The following DISC1 variants were observed in gnomAD, a reference collection of about 807,000 sequenced individuals.
DISC1 encodes disrupted in schizophrenia 1 protein.
Under a neutral mutation model 84.5 loss-of-function variants are expected in DISC1, and 57 were observed. The observed-to-expected ratio is 0.67, with a 90% CI of 0.55 to 0.84. The LOEUF (loss-of-function observed/expected upper bound fraction) is 0.84, where lower values mean the gene tolerates loss of function less well. DISC1 is among the 40% of genes least tolerant of loss of function. The pLI, the probability that DISC1 is intolerant of heterozygous loss-of-function variation, is 0.00. For synonymous variants in DISC1, 411 were observed against 415.2 expected (o/e 0.99, Z 0.12); for missense variants, 1,000 against 1,057.8 (o/e 0.95, Z 0.76).
chr1:231,681,092 G>C (rs2063644250), intron 1 of DISC1, among the ~76,000 whole-genome samples: 1 of 152,234 alleles, frequency 6.6e-6, no homozygotes, highest in Non-Finnish European at 1.5e-5. Context: ...GTAGCTAGCA[G>C]CACCCTTGAG....
intron 3 of DISC1, among the ~76,000 whole-genome samples, chr1:231,713,219 G>T (rs777985579): frequency 6.6e-6 from 1 of 152,132 alleles, no homozygotes; most frequent in African/African-American, 2.4e-5. Flanking sequence ...ATATTTAAGT[G>T]CCCAATGTTC....
At chr1:231,916,516 G>A (rs1369663169) in intron 9 of DISC1, among the ~76,000 whole-genome samples, 1 of 150,908 alleles carries the variant, frequency 6.6e-6, no homozygotes, top group East Asian at 1.9e-4. Context: ...TTAGCCGGGC[G>A]TAGTGGCGGG....
intron 3 of DISC1, among the ~76,000 whole-genome samples, chr1:231,744,673 T>G (rs181254549): frequency 6.6e-6 from 1 of 152,280 alleles, no homozygotes; most frequent in Non-Finnish European, 1.5e-5. Flanking sequence ...TAGCAAAAGT[T>G]CATTTTTCCA....
intron 1 of DISC1, among the ~76,000 whole-genome samples, chr1:231,673,896 A>T (rs891040686): frequency 7.9e-5 from 12 of 152,016 alleles, no homozygotes; most frequent in African/African-American, 2.2e-4. Flanking sequence ...GGAGGTATAG[A>T]CTCCTTACGA....
chr1:231,877,685 A>T (rs1363569712), intron 9 of DISC1, among the ~76,000 whole-genome samples: 1 of 152,210 alleles, frequency 6.6e-6, no homozygotes, highest in Admixed American at 6.5e-5. Context: ...ATGAGACTGT[A>T]TGGTACAGCT....
intron 3 of DISC1, chr1:231,723,614 T>C (rs2070194516): frequency 1.0e-6 from 1 of 985,484 alleles, no homozygotes; most frequent in Middle Eastern, 5.2e-4. Flanking sequence ...CTATTCTGTC[T>C]TATAACAGTC....
chr1:231,998,877 T>A (rs1176330756), intron 10 of DISC1, among the ~76,000 whole-genome samples: 3 of 152,132 alleles, frequency 2.0e-5, no homozygotes, highest in African/African-American at 2.4e-5. Context: ...AGCCTCAAAA[T>A]ATATATATCA....
Position 232,008,903 on chromosome 1 carries a change from C to G in DISC1, c.2161C>G (p.Gln721Glu), listed in dbSNP as rs756949009. ...AAGCCTGTCTGTAGAAGATGAGAGG[C>G]AGATGGATGACTTAGAGGGAGCTGC... ...RGSLSVEDER[Q>E]MDDLEGAAPP... The change falls in exon 11 of 13, where the codon CAG becomes GAG. Residue 721 changes from glutamine to glutamate, a missense_variant. Coordinates refer to ENST00000439617, the MANE Select transcript of DISC1 (RefSeq NM_018662.3). 6.2e-7 allele frequency: 1 copy of G among 1,613,784 alleles called. No individual in the cohort carries two copies. The highest frequency in any genetic ancestry group is 1.1e-5 in the South Asian group (1 of 91,066).
chr1:231,692,014 G>T lies in DISC1; in HGVS notation c.68-1812G>T, dbSNP rs536333980. 9.2e-5 allele frequency among the ~76,000 whole-genome samples: 14 copies of T among 152,264 alleles called. No homozygotes were observed. In the South Asian group the frequency reaches 2.9e-3, roughly 32 times the overall value. ...TTCTTCTGCCTTCCTGTCATTTTAC[G>T]CATTTTACGCTGATATACTTGTAGG... is the stretch of plus-strand genomic sequence containing the variant. On this transcript the variant is annotated intron_variant, in intron 1 of 12. Coordinates refer to ENST00000439617, the MANE Select transcript of DISC1 (RefSeq NM_018662.3).
intron 11 of DISC1, among the ~76,000 whole-genome samples, chr1:232,017,680 A>G (rs143423894): frequency 2.0e-5 from 3 of 152,252 alleles, no homozygotes; most frequent in African/African-American, 7.2e-5. Context: ...TGCTAGAGCT[A>G]CAGGTACTAA....
chr1:231,838,151 G>GA (rs1313219025), intron 9 of DISC1, among the ~76,000 whole-genome samples: 1 of 152,136 alleles, frequency 6.6e-6, no homozygotes, highest in East Asian at 1.9e-4. Flanking sequence ...TGAAGCATTT[G>GA]ACTGTTAATA....
chr1:231,763,117 C>G (rs1265139142), intron 4 of DISC1, among the ~76,000 whole-genome samples: 1 of 152,074 alleles, frequency 6.6e-6, no homozygotes, highest in African/African-American at 2.4e-5. Flanking sequence ...ATGGAAGTTC[C>G]TGGGCTTGCT....
intron 9 of DISC1, among the ~76,000 whole-genome samples, chr1:231,840,376 T>G (rs1011310557): frequency 6.6e-6 from 1 of 152,222 alleles, no homozygotes; most frequent in African/African-American, 2.4e-5. Flanking sequence ...GCTTTATTCA[T>G]AATTGCCTAA....
chr1:231,753,570 G>T lies in DISC1; in HGVS notation c.1268+3494G>T, dbSNP rs146592189. ...TATGAGGGGAGGGGCTGCCATGAAG[G>T]TCTCTGAAATGCCTCTGAGGCCTTT... On this transcript the variant is annotated intron_variant, in intron 4 of 12. Transcript: ENST00000439617. 3.2e-4 allele frequency among the ~76,000 whole-genome samples: 48 copies of T among 152,298 alleles called. No individual in the cohort carries two copies. The East Asian group carries it at 9.1e-3, about 29-fold the overall frequency.
chr1:231,993,854 A>G (rs1453034163), intron 10 of DISC1, among the ~76,000 whole-genome samples: 1 of 152,220 alleles, frequency 6.6e-6, no homozygotes, highest in Non-Finnish European at 1.5e-5. Flanking sequence ...TCATATAATT[A>G]TCAATTTAAT....
intron 1 of DISC1, among the ~76,000 whole-genome samples, chr1:231,635,802 AT>A (rs1055873599): frequency 6.6e-6 from 1 of 152,346 alleles, no homozygotes; most frequent in South Asian, 2.1e-4. Flanking sequence ...AATATAAAAA[AT>A]ATATATACTT....
intron 6 of DISC1, chr1:231,771,600 A>G: frequency 9.1e-6 from 9 of 985,334 alleles, no homozygotes; most frequent in Non-Finnish European, 1.1e-5. Flanking sequence ...CGGTTGTTGT[A>G]TTCATTTTAC....
intron 9 of DISC1, among the ~76,000 whole-genome samples, chr1:231,917,563 C>T (rs551056505): frequency 6.6e-6 from 1 of 152,308 alleles, no homozygotes; most frequent in African/African-American, 2.4e-5. Flanking sequence ...GCTATGTTCA[C>T]TTTCCAAGGC....
chr1:231,661,662 C>T (rs1328082683), intron 1 of DISC1, among the ~76,000 whole-genome samples: 2 of 152,166 alleles, frequency 1.3e-5, no homozygotes, highest in Non-Finnish European at 2.9e-5. Context: ...TATCATGATT[C>T]TTAGCTTCTT....
Sources: gnomAD v4.1 joint callset for allele counts (sites outside exome capture counted in the v4.1 genomes callset) on GRCh38, gnomAD v4.1.1 for gene constraint, MANE v1.5 for transcripts, NCBI Gene and HGNC (gene_info 2026-07-23, HGNC 2026-07-21) for gene names.